Variants in SIPA1L3 observed in about 807,000 individuals in gnomAD.
The protein encoded by SIPA1L3 is signal-induced proliferation-associated 1-like protein 3.
Under a neutral mutation model 150.1 loss-of-function variants are expected in SIPA1L3, and 59 were observed. That is an observed-to-expected ratio of 0.39 (90% confidence interval 0.32 to 0.49). SIPA1L3 has a LOEUF of 0.49. Among genes scored for constraint, SIPA1L3 ranks in the 20% least tolerant of loss-of-function variants. The pLI, the probability that SIPA1L3 is intolerant of heterozygous loss-of-function variation, is 0.86. For missense variants in SIPA1L3, 2,211 were observed against 2,489.5 expected, an observed-to-expected ratio of 0.89 and a Z score of 2.38; for synonymous variants, 1,070 against 1,077.6, an observed-to-expected ratio of 0.99 and a Z score of 0.14.
chr19:38,108,943 C>T (rs778905331), intron 7 of SIPA1L3, among the ~76,000 whole-genome samples: 5 of 151,900 alleles, frequency 3.3e-5, no homozygotes, highest in Admixed American at 6.6e-5. Context: ...GAGCCGAGAT[C>T]GCACCATTGC....
At chr19:37,951,455 A>G (rs1384940355) in intron 1 of SIPA1L3, among the ~76,000 whole-genome samples, 1 of 152,204 alleles carries the variant, frequency 6.6e-6, no homozygotes, top group Non-Finnish European at 1.5e-5. Context: ...GAGTGTGAAG[A>G]TCTAAAAATT....
intron 1 of SIPA1L3, among the ~76,000 whole-genome samples, chr19:38,022,083 ATTG>A (rs1485864471): frequency 1.3e-5 from 2 of 152,188 alleles, no homozygotes; most frequent in Non-Finnish European, 2.9e-5. Context: ...AGTAGGCACC[ATTG>A]TTGGTGGTTC....
intron 6 of SIPA1L3, among the ~76,000 whole-genome samples, chr19:38,104,218 G>A (rs1288087962): frequency 1.3e-5 from 2 of 152,232 alleles, no homozygotes; most frequent in Non-Finnish European, 2.9e-5. Context: ...TTAGGCAGGT[G>A]TCTGGGGCCA....
At chr19:38,078,172 C>A (rs1176953131) in intron 2 of SIPA1L3, among the ~76,000 whole-genome samples, 2 of 152,134 alleles carry the variant, frequency 1.3e-5, no homozygotes, top group African/African-American at 2.4e-5. Flanking sequence ...TTTCCAGCTT[C>A]CTCTCTCTTC....
chr19:38,172,862 C>A (rs955793325), intron 15 of SIPA1L3, among the ~76,000 whole-genome samples: 8 of 152,154 alleles, frequency 5.3e-5, no homozygotes, highest in Admixed American at 3.9e-4. Context: ...GTAATCCCAG[C>A]ACTTTGGGAG....
chr19:38,166,455 C>CAAAAAA (rs545670843), intron 15 of SIPA1L3, among the ~76,000 whole-genome samples: 1 of 104,052 alleles, frequency 9.6e-6, no homozygotes, highest in Non-Finnish European at 2.0e-5. Context: ...GACTCTGTCT[C>CAAAAAA]AAAAAAAAAA....
At position 38,156,152 on chromosome 19, in the gene SIPA1L3, C is replaced by T. The variant is rs565924063; in HGVS notation, c.3661+3185C>T. Among the ~76,000 whole-genome samples the T allele has an allele frequency of 5.9e-5, 9 of 152,274 alleles. No individual in the cohort carries two copies. In the East Asian group the frequency reaches 1.7e-3, roughly 29 times the overall value. On this transcript the variant is annotated intron_variant, in intron 13 of 21. Transcript: ENST00000222345. ...GGTCGAACTGCTGGGGCCTCAGCCT[C>T]TTTGCTGTCTCCAGGGTGTGCGTGG...
chr19:38,181,829 G>C (rs1328294464), intron 15 of SIPA1L3, among the ~76,000 whole-genome samples: 1 of 144,066 alleles, frequency 6.9e-6, no homozygotes, highest in African/African-American at 2.6e-5. Flanking sequence ...CTGGGCAACA[G>C]AGTGAGACTC....
intron 1 of SIPA1L3, among the ~76,000 whole-genome samples, chr19:37,999,421 G>A (rs954798201): frequency 2.0e-5 from 3 of 152,186 alleles, no homozygotes; most frequent in South Asian, 2.1e-4. Flanking sequence ...GCTCCTGGAC[G>A]CACATGAGCA....
Position 38,029,083 on chromosome 19 carries a change from A to G in SIPA1L3, c.-378-6A>G, listed in dbSNP as rs150318219. Reference sequence around the variant, plus strand: ...AGACCTAACCTCTTCTTTTTCCTCCATGTAGATGCACAGTCTCTGACATCA... The same window carrying G: ...AGACCTAACCTCTTCTTTTTCCTCCGTGTAGATGCACAGTCTCTGACATCA... On this transcript the variant is annotated splice_polypyrimidine_tract_variant and splice_region_variant and intron_variant, in intron 1 of 21. Transcript: ENST00000222345. 2,014 of 152,266 alleles carry G rather than the reference A, an allele frequency of 0.013. 22 individuals carry two copies. The highest frequency in any genetic ancestry group is 0.021 in the Non-Finnish European group (1,462 of 68,044). 9.4% of individuals were successfully genotyped at this position (152,266 alleles called of 1,614,324 possible). A position where few individuals can be genotyped will look rare whatever the true frequency, so the allele number is the denominator to read the frequency against.
At chr19:37,981,288 G>C (rs77932809) in intron 1 of SIPA1L3, among the ~76,000 whole-genome samples, 64 of 152,210 alleles carry the variant, frequency 4.2e-4, no homozygotes, top group African/African-American at 1.5e-3. Flanking sequence ...GAGCCAGGTG[G>C]TGGCACGTGA....
intron 4 of SIPA1L3, among the ~76,000 whole-genome samples, chr19:38,093,227 T>C (rs1970300170): frequency 1.3e-5 from 2 of 151,984 alleles, no homozygotes; most frequent in African/African-American, 4.8e-5. Context: ...GGAGTAAACC[T>C]AGAGGAGGGG....
intron 1 of SIPA1L3, among the ~76,000 whole-genome samples, chr19:37,909,784 C>T (rs1191084583): frequency 6.6e-6 from 1 of 152,142 alleles, no homozygotes; most frequent in Non-Finnish European, 1.5e-5. Flanking sequence ...GGAGGCAGCA[C>T]ACATACCACA....
Position 37,934,496 on chromosome 19 carries a change from A to C in SIPA1L3, c.-379+27138A>C, listed in dbSNP as rs2046583107. Among the ~76,000 whole-genome samples the C allele has an allele frequency of 2.0e-5, 3 of 152,318 alleles. No individual in the cohort carries two copies. In the South Asian group the frequency reaches 6.2e-4, roughly 32 times the overall value. The stretch of plus-strand genomic sequence containing the variant: ...TGGGCCACAGGTTCCTTATCTGGAA[A>C]ATGGGGATAATTAATAGATGATTAA... On this transcript the variant is annotated intron_variant, in intron 1 of 21. Coordinates refer to ENST00000222345, the MANE Select transcript of SIPA1L3 (RefSeq NM_015073.3).
At chr19:38,167,285 T>A (rs955142857) in intron 15 of SIPA1L3, among the ~76,000 whole-genome samples, 48 of 151,186 alleles carry the variant, frequency 3.2e-4, no homozygotes, top group Non-Finnish European at 6.3e-4. Flanking sequence ...TCTTAACCTG[T>A]GTGTGATATA....
intron 2 of SIPA1L3, among the ~76,000 whole-genome samples, chr19:38,044,695 A>G (rs1969012227): frequency 6.6e-6 from 1 of 152,182 alleles, no homozygotes; most frequent in South Asian, 2.1e-4. Flanking sequence ...TAATGTCTTC[A>G]TGGATTGGGG....
chr19:38,062,124 T>A (rs1969458696), intron 2 of SIPA1L3, among the ~76,000 whole-genome samples: 1 of 152,010 alleles, frequency 6.6e-6, no homozygotes, highest in African/African-American at 2.4e-5. Flanking sequence ...TCTTGCTGGA[T>A]CTACCAGCAG....
At chr19:37,938,288 C>T (rs1432022187) in intron 1 of SIPA1L3, among the ~76,000 whole-genome samples, 1 of 152,150 alleles carries the variant, frequency 6.6e-6, no homozygotes, top group African/African-American at 2.4e-5. Context: ...AATATTGTTA[C>T]ACTTCCTGGT....
At chr19:38,119,216 A>C in intron 8 of SIPA1L3, 90 bp from the exon 9 acceptor site, 1 of 1,269,704 alleles carries the variant, frequency 7.9e-7, no homozygotes, top group Non-Finnish European at 1.1e-6. Context: ...CAAACAAAAA[A>C]CCCTATTCCT....
Sources: allele counts gnomAD v4.1 joint callset (sites outside exome capture counted in the v4.1 genomes callset), GRCh38; gene constraint gnomAD v4.1.1; transcripts MANE v1.5; gene names NCBI Gene and HGNC (gene_info 2026-07-23, HGNC 2026-07-21).